Variants in CATSPERE observed in about 807,000 individuals in gnomAD.
CATSPERE encodes cation channel sperm-associated auxiliary subunit epsilon.
Under a neutral mutation model 114.1 loss-of-function variants are expected in CATSPERE, and 93 were observed. That is an observed-to-expected ratio of 0.81 (90% CI 0.69 to 0.97). CATSPERE has a LOEUF of 0.97. Ranked by LOEUF, CATSPERE falls within the 50% of genes least tolerant of loss-of-function variation. CATSPERE has a pLI of 0.00. For missense variants in CATSPERE, 1,058 were observed against 1,131.6 expected, an observed-to-expected ratio of 0.93 and a Z score of 0.93; for synonymous variants, 341 against 384.1, an observed-to-expected ratio of 0.89 and a Z score of 1.31.
rs1451747270 is a variant in CATSPERE at position 244,568,676 on chromosome 1, G to A, written c.1508-3654G>A. On this transcript the variant is annotated intron_variant, in intron 10 of 21. Transcript: ENST00000366534. The surrounding 1 kb of genome is among the most constrained non-coding windows in gnomAD (Gnocchi z 4.4). The stretch of plus-strand genomic sequence containing the variant: ...AACCGCCTACTCAAGCCTCAGTAAT[G>A]GCAGACGCTCCTACCCCCACCAAGT... Among the ~76,000 whole-genome samples, 2 of 152,158 alleles carry A rather than the reference G, an allele frequency of 1.3e-5. No individual in the cohort carries two copies. Among genetic ancestry groups the A allele is most frequent in the Non-Finnish European group, 2.9e-5 (2 of 68,026 alleles).
At chr1:244,578,164 T>C (rs1219014481) in intron 11 of CATSPERE, among the ~76,000 whole-genome samples, 2 of 152,154 alleles carry the variant, frequency 1.3e-5, no homozygotes, top group Non-Finnish European at 2.9e-5. Flanking sequence ...GTTTGTTGGT[T>C]TGTTTTGAGA....
chr1:244,592,679 A>C (rs1419285573), intron 15 of CATSPERE, among the ~76,000 whole-genome samples: 7 of 152,256 alleles, frequency 4.6e-5, no homozygotes, highest in African/African-American at 1.7e-4. Context: ...ATGCTTAGTG[A>C]AAGCCATTGG....
intron 7 of CATSPERE, among the ~76,000 whole-genome samples, chr1:244,499,948 T>C (rs1397692829): frequency 6.6e-6 from 1 of 152,216 alleles, no homozygotes; most frequent in Non-Finnish European, 1.5e-5. Context: ...TGAACTAATT[T>C]ACACTCCCAC....
intron 9 of CATSPERE, among the ~76,000 whole-genome samples, chr1:244,557,548 T>TC (rs1488199479): frequency 2.3e-5 from 1 of 42,666 alleles, no homozygotes; most frequent in African/African-American, 1.2e-4. Flanking sequence ...TATATATATA[T>TC]ATATATATAT....
intron 20 of CATSPERE, among the ~76,000 whole-genome samples, chr1:244,625,769 A>G (rs1239371294): frequency 6.6e-6 from 1 of 151,332 alleles, no homozygotes; most frequent in African/African-American, 2.4e-5. Flanking sequence ...ACTTTTTAAA[A>G]TAAGAGAGAG....
In CATSPERE at chr1:244,463,920, C is replaced by G; in HGVS notation, c.78C>G (p.Asn26Lys). The change falls in exon 2 of 22, where the codon AAC becomes AAG. Residue 26 changes from asparagine (N) to lysine (K), a missense_variant. Asn to Lys is a moderately conservative substitution (Grantham distance 94, BLOSUM62 0). This residue lies in a region of CATSPERE where 271 missense variants were observed against 225.9 expected (regional missense o/e 1.20). Coordinates refer to ENST00000366534, the MANE Select transcript of CATSPERE (RefSeq NM_001130957.2). ...TCTTCCTCCACAGGTATTCCACTAACAGCCCAAACTATCGCATTTTTAGTA... is the reference window on the plus strand; with the variant it reads ...TCTTCCTCCACAGGTATTCCACTAAGAGCCCAAACTATCGCATTTTTAGTA... ...YGSALWRYST[N>K]SPNYRIFSTR... The G allele has an allele frequency of 6.2e-7, 1 of 1,600,772 alleles. No homozygotes were observed. The highest frequency in any genetic ancestry group is 8.6e-7 in the Non-Finnish European group (1 of 1,168,050).
intron 2 of CATSPERE, among the ~76,000 whole-genome samples, chr1:244,467,252 A>G (rs1667743744): frequency 6.6e-6 from 1 of 152,180 alleles, no homozygotes; most frequent in Non-Finnish European, 1.5e-5. Context: ...GAATTCTACC[A>G]AATCTTTAAG....
intron 7 of CATSPERE, among the ~76,000 whole-genome samples, chr1:244,503,536 G>A (rs1310444975): frequency 2.0e-5 from 3 of 151,966 alleles, no homozygotes; most frequent in East Asian, 1.9e-4. Context: ...TCTGTGCCAC[G>A]TTTGGCTCAG....
At chr1:244,472,569 T>C (rs1342127018) in intron 2 of CATSPERE, among the ~76,000 whole-genome samples, 1 of 152,226 alleles carries the variant, frequency 6.6e-6, no homozygotes, top group Non-Finnish European at 1.5e-5. Context: ...GCCCTATTAC[T>C]GACATCTTGC....
intron 15 of CATSPERE, 62 bp from the exon 16 acceptor site, chr1:244,593,333 A>T: frequency 6.5e-7 from 1 of 1,546,040 alleles, no homozygotes; most frequent in Non-Finnish European, 8.9e-7. Flanking sequence ...AAACAAAGTC[A>T]TGGGTTTAGT....
chr1:244,552,273 G>T, intron 8 of CATSPERE, 49 bp from the exon 9 acceptor site: 1 of 1,543,660 alleles, frequency 6.5e-7, no homozygotes, highest in Non-Finnish European at 8.7e-7. Flanking sequence ...GTACAAGATG[G>T]ATCAGATGAG....
At position 244,611,895 on chromosome 1, in the gene CATSPERE, T is replaced by G. The variant is rs528477870; in HGVS notation, c.2490+1569T>G. 1.1e-4 allele frequency among the ~76,000 whole-genome samples: 16 copies of G among 152,292 alleles called. No homozygotes were observed. The East Asian group carries it at 2.7e-3, about 26-fold the overall frequency. On this transcript the variant is annotated intron_variant, in intron 19 of 21. Transcript: ENST00000366534. ...GATATGGTACAATGGTTCTCAAACT[T>G]TAGCATACATCAGAATCTCCAAAAG...
intron 4 of CATSPERE, among the ~76,000 whole-genome samples, chr1:244,479,250 C>T (rs1011172276): frequency 3.3e-5 from 5 of 151,962 alleles, no homozygotes; most frequent in Non-Finnish European, 7.4e-5. Context: ...TGTGCCACCA[C>T]ACCCAGCTAA....
At chr1:244,456,273 G>A (rs1301260730), upstream of CATSPERE, among the ~76,000 whole-genome samples, 1 of 151,918 alleles carries the variant, frequency 6.6e-6, no homozygotes, top group African/African-American at 2.4e-5. Flanking sequence ...TTAAGAATCC[G>A]TCTTTGCCTT....
chr1:244,630,981 G>C (rs540288777), intron 20 of CATSPERE, among the ~76,000 whole-genome samples: 250 of 152,152 alleles, frequency 1.6e-3, no homozygotes, highest in Middle Eastern at 3.4e-3. Context: ...CATATTCTTA[G>C]GGTATTGCTT....
chr1:244,640,091 A>G lies in CATSPERE; in HGVS notation c.*10A>G, dbSNP rs772998639. 1 of 1,539,856 alleles carries G rather than the reference A, an allele frequency of 6.5e-7. No individual in the cohort carries two copies. Among genetic ancestry groups the G allele is most frequent in the Middle Eastern group, 1.7e-4 (1 of 5,956 alleles). ...ACGTAAGAAGAATTAGGAAAACTGA[A>G]AGTTTGTTTATTACAGATATATGCA... is the stretch of plus-strand genomic sequence containing the variant. On this transcript the variant is annotated 3_prime_UTR_variant, in exon 22 of 22. Transcript: ENST00000366534.
chr1:244,621,153 A>ATATAGATATATTTATAT (rs1558610021), intron 20 of CATSPERE, among the ~76,000 whole-genome samples: 3 of 16,434 alleles, frequency 1.8e-4, no homozygotes, highest in African/African-American at 3.9e-4. Context: ...TATATATTAT[A>ATATAGATATATTTATAT]AAATATATAT....
At chr1:244,477,454 G>T in intron 2 of CATSPERE, 87 bp from the exon 3 acceptor site, 1 of 713,102 alleles carries the variant, frequency 1.4e-6, no homozygotes, top group Non-Finnish European at 2.5e-6. Context: ...AAATAATTAG[G>T]ACCCAGAAAA....
In CATSPERE at chr1:244,581,839, AT is replaced by A; in HGVS notation, c.1996del (p.Tyr666ThrfsTer27). 1 of 1,317,774 alleles carries A rather than the reference AT, an allele frequency of 7.6e-7. No homozygotes were observed. Among genetic ancestry groups the A allele is most frequent in the South Asian group, 1.3e-5 (1 of 79,184 alleles). 81.6% of individuals were successfully genotyped at this position (1,317,774 alleles called of 1,614,324 possible). A position where few individuals can be genotyped will look rare whatever the true frequency, so the allele number is the denominator to read the frequency against. On this transcript the variant is annotated frameshift_variant, in exon 12 of 22. Transcript: ENST00000366534. LOFTEE classifies it high-confidence loss of function. ...YQNVDYERIS[D>X]YFETQDKHTG... is the part of the protein sequence containing the mutation. ...AATGTAGATTATGAGAGAATATCTG[AT>A]TACTTTGAGACACAGTAAGTATAAC...
Sources: allele counts gnomAD v4.1 joint callset (sites outside exome capture counted in the v4.1 genomes callset), GRCh38; gene constraint gnomAD v4.1.1; regional missense constraint gnomAD v4.1.1; non-coding constraint Gnocchi (gnomAD v3.1); transcripts MANE v1.5; gene names NCBI Gene and HGNC (gene_info 2026-07-23, HGNC 2026-07-21).